The following XIRP2 variants were observed in gnomAD, a reference collection of about 807,000 sequenced individuals.
XIRP2 encodes xin actin-binding repeat-containing protein 2.
XIRP2 carries 236 observed loss-of-function variants against 277.0 expected under a neutral mutation model. That is an observed-to-expected ratio of 0.85 (90% CI 0.77 to 0.95). XIRP2 has a LOEUF of 0.95. XIRP2 is among the 40% of genes least tolerant of loss of function. The pLI is 0.00. For synonymous variants in XIRP2, 1,490 were observed against 1,416.5 expected (o/e 1.05, Z -1.17); for missense variants, 4,640 against 4,157.5 (o/e 1.12, Z -3.19).
chr2:167,080,060 CA>C (rs202178834), intron 2 of XIRP2, among the ~76,000 whole-genome samples: 5 of 150,552 alleles, frequency 3.3e-5, no homozygotes, highest in Admixed American at 6.6e-5. Context: ...TGTTGGTGTC[CA>C]AAAAAAAGAG....
chr2:167,204,489 G>C (rs1693804916), intron 3 of XIRP2, among the ~76,000 whole-genome samples: 1 of 152,124 alleles, frequency 6.6e-6, no homozygotes, highest in Admixed American at 6.6e-5. Context: ...TCCCTTCTCA[G>C]CTCTGAAACT....
At chr2:166,941,707 C>T (rs1685723119) in intron 2 of XIRP2, among the ~76,000 whole-genome samples, 1 of 152,094 alleles carries the variant, frequency 6.6e-6, no homozygotes, top group African/African-American at 2.4e-5. Flanking sequence ...GAAGTTTCTA[C>T]ATATGTTTCT....
intron 3 of XIRP2, among the ~76,000 whole-genome samples, chr2:167,159,608 G>A (rs1178730079): frequency 1.3e-5 from 2 of 151,968 alleles, no homozygotes; most frequent in African/African-American, 2.4e-5. Flanking sequence ...TCCCTTTTCT[G>A]ACCATGAGAC....
intron 3 of XIRP2, among the ~76,000 whole-genome samples, chr2:167,172,767 T>C (rs929944395): frequency 6.6e-6 from 1 of 152,230 alleles, no homozygotes; most frequent in African/African-American, 2.4e-5. Context: ...AGATTTCATA[T>C]TGTTTAAACA....
At chr2:166,998,851 C>T (rs1002466359) in intron 2 of XIRP2, among the ~76,000 whole-genome samples, 1 of 152,164 alleles carries the variant, frequency 6.6e-6, no homozygotes, top group African/African-American at 2.4e-5. Context: ...CCCTGAACCA[C>T]CTGAGGTCTC....
At chr2:166,903,410 A>G in intron 1 of XIRP2, 55 bp from the exon 2 acceptor site, 1 of 1,513,772 alleles carries the variant, frequency 6.6e-7, no homozygotes, top group East Asian at 2.3e-5. Flanking sequence ...TTTGAGTCTG[A>G]AAATGACTCA....
In XIRP2 at chr2:167,096,803, C is replaced by T. The variant is rs1017198683; in HGVS notation, c.409-39106C>T. Among the ~76,000 whole-genome samples the T allele has an allele frequency of 7.9e-5, 12 of 152,144 alleles. No homozygotes were observed. The South Asian group carries it at 1.2e-3, about 16-fold the overall frequency. On this transcript the variant is annotated intron_variant, in intron 2 of 10. Coordinates refer to ENST00000409195, the MANE Select transcript of XIRP2 (RefSeq NM_152381.6). ...GTTTCTGCCTTAATTTTTTTATTTA[C>T]GCAGTAGTCACTCAGGAGCAGGTTG... is the stretch of plus-strand genomic sequence containing the variant.
rs745595421 is a variant in XIRP2, at chr2:167,250,283, T to C, written c.8891T>C (p.Phe2964Ser). The change falls in exon 9 of 11, where the codon TTT (phenylalanine) becomes TCT (serine). Residue 2964 changes from phenylalanine (F) to serine (S), a missense_variant. By Grantham distance (155) the Phe-to-Ser change is radical. Transcript: ENST00000409195. ...LQQILSRVKQ[F>S]EAEPNKSGLK... ...CAGATTTTGTCGAGAGTGAAACAGT[T>C]TGAAGCAGAGCCAAATAAAAGTGGC... The C allele has an allele frequency of 7.4e-6, 12 of 1,613,160 alleles. No homozygotes were observed. The highest frequency in any genetic ancestry group is 1.0e-5 in the Non-Finnish European group (12 of 1,179,606).
At chr2:167,151,145 T>C (rs144163685) in intron 3 of XIRP2, among the ~76,000 whole-genome samples, 1 of 152,230 alleles carries the variant, frequency 6.6e-6, no homozygotes, top group East Asian at 1.9e-4. Flanking sequence ...TTTGTTCATA[T>C]TGCTACTAAG....
intron 2 of XIRP2, among the ~76,000 whole-genome samples, chr2:167,114,505 T>C (rs1690841004): frequency 6.6e-6 from 1 of 152,120 alleles, no homozygotes; most frequent in African/African-American, 2.4e-5. Flanking sequence ...GCAGGTTAGT[T>C]ACATATGTAT....
intron 2 of XIRP2, among the ~76,000 whole-genome samples, chr2:167,036,846 T>C (rs1574192340): frequency 6.6e-6 from 1 of 152,226 alleles, no homozygotes; most frequent in East Asian, 1.9e-4. Flanking sequence ...GGCTGGTCTT[T>C]CCAGTGATAT....
chr2:166,902,335 T>G (rs1040027717), intron 1 of XIRP2, among the ~76,000 whole-genome samples: 5 of 152,094 alleles, frequency 3.3e-5, no homozygotes, highest in African/African-American at 1.2e-4. Flanking sequence ...TAATCTAATG[T>G]GTGCATTGAG....
chr2:167,200,575 C>T (rs2105376150), intron 3 of XIRP2, among the ~76,000 whole-genome samples: 1 of 152,322 alleles, frequency 6.6e-6, no homozygotes, highest in Non-Finnish European at 1.5e-5. Flanking sequence ...GTGCCAAAAC[C>T]ACAGATAAAC....
At chr2:166,987,742 A>G (rs1687044522) in intron 2 of XIRP2, among the ~76,000 whole-genome samples, 1 of 152,212 alleles carries the variant, frequency 6.6e-6, no homozygotes, top group Non-Finnish European at 1.5e-5. Flanking sequence ...TCAAAAAATC[A>G]TGGATATATA....
chr2:167,087,092 T>C (rs1186315953), intron 2 of XIRP2, among the ~76,000 whole-genome samples: 1 of 151,898 alleles, frequency 6.6e-6, no homozygotes, highest in African/African-American at 2.4e-5. Flanking sequence ...TTTTGGTCTT[T>C]GATGATGGTG....
At chr2:166,897,881 C>A (rs1444239872) in intron 1 of XIRP2, among the ~76,000 whole-genome samples, 1 of 152,052 alleles carries the variant, frequency 6.6e-6, no homozygotes, top group Non-Finnish European at 1.5e-5. Context: ...AGCACATGGG[C>A]TATGCAGGGG....
Position 167,245,021 on chromosome 2 carries a change from A to G in XIRP2, c.3629A>G (p.Asp1210Gly). Residue 1210 changes from aspartate to glycine, a missense_variant, in exon 9 of 11, where the codon GAT becomes GGT. Physicochemically the swap from Asp to Gly is moderately conservative, Grantham distance 94. Coordinates refer to ENST00000409195, the MANE Select transcript of XIRP2 (RefSeq NM_152381.6). ...TATAAATTTGAAAATCAGTCCTTAG[A>G]TTCTATAAGTTCTAGTTCAGAGGAA... Reference protein sequence around the residue: ...MRYKFENQSLDSISSSSEEVL... With the variant: ...MRYKFENQSLGSISSSSEEVL... 6.2e-7 allele frequency: 1 copy of G among 1,613,330 alleles called. No homozygotes were observed. The highest frequency in any genetic ancestry group is 8.5e-7 in the Non-Finnish European group (1 of 1,179,676).
At chr2:167,136,694 A>C (rs1025058789) in intron 3 of XIRP2, among the ~76,000 whole-genome samples, 3 of 152,232 alleles carry the variant, frequency 2.0e-5, no homozygotes, top group African/African-American at 7.2e-5. Context: ...GAAAATACAG[A>C]TCTTATTTAT....
At chr2:166,948,147 A>G (rs1685931896) in intron 2 of XIRP2, among the ~76,000 whole-genome samples, 1 of 152,144 alleles carries the variant, frequency 6.6e-6, no homozygotes, top group South Asian at 2.1e-4. Context: ...GATTCATGTC[A>G]TTATACACAT....
Sources: gnomAD v4.1 joint callset for allele counts (sites outside exome capture counted in the v4.1 genomes callset) on GRCh38, gnomAD v4.1.1 for gene constraint, MANE v1.5 for transcripts, NCBI Gene and HGNC (gene_info 2026-07-23, HGNC 2026-07-21) for gene names.